Variants in SPMIP4 observed in about 807,000 individuals in gnomAD.
SPMIP4 encodes the protein sperm-associated microtubule inner protein 4.
chr7:25,143,371 C>T, the SPMIP4 span, among the ~76,000 whole-genome samples: 4 of 152,292 alleles, frequency 2.6e-5, no homozygotes, highest in East Asian at 7.7e-4. Flanking sequence ...TTTTTGATTA[C>T]TTAGAAATTC....
At chr7:25,179,129 A>C in the SPMIP4 span, 1 of 1,564,318 alleles carries the variant, frequency 6.4e-7, no homozygotes, top group Non-Finnish European at 8.7e-7. Flanking sequence ...ACACGAATAC[A>C]TTAAAACTGC....
chr7:25,137,402 A>G, the SPMIP4 span, among the ~76,000 whole-genome samples: 1 of 151,408 alleles, frequency 6.6e-6, no homozygotes, highest in African/African-American at 2.4e-5. Context: ...GAGTAATGCG[A>G]ACCTCATGAA....
the SPMIP4 span, among the ~76,000 whole-genome samples, chr7:25,148,439 A>G: frequency 6.6e-6 from 1 of 151,366 alleles, no homozygotes; most frequent in Non-Finnish European, 1.5e-5. Flanking sequence ...TAAATAATTA[A>G]TAGATCTGAG....
At chr7:25,175,702 A>G in the SPMIP4 span, among the ~76,000 whole-genome samples, 2 of 152,158 alleles carry the variant, frequency 1.3e-5, no homozygotes, top group Non-Finnish European at 2.9e-5. Context: ...TAATCCTGAA[A>G]AACCAGGGGC....
the SPMIP4 span, among the ~76,000 whole-genome samples, chr7:25,166,766 C>A: frequency 6.6e-6 from 1 of 151,608 alleles, no homozygotes. Context: ...TGGTGGCACA[C>A]GCCTGTAATC....
At chr7:25,160,560 A>T in the SPMIP4 span, among the ~76,000 whole-genome samples, 1 of 152,124 alleles carries the variant, frequency 6.6e-6, no homozygotes, top group Admixed American at 6.5e-5. Flanking sequence ...CAGCCTCCCA[A>T]AGTGTTGGGA....
chr7:25,172,946 G>C, the SPMIP4 span, among the ~76,000 whole-genome samples: 422 of 150,832 alleles, frequency 2.8e-3, 1 homozygote, highest in African/African-American at 9.9e-3. This position sits in a 1 kb window ranked among gnomAD's most constrained non-coding sequence, Gnocchi z 4.2. Context: ...GAGAACAGTA[G>C]GATCCAGTCA....
the SPMIP4 span, chr7:25,142,637 T>C: frequency 6.2e-7 from 1 of 1,604,732 alleles, no homozygotes; most frequent in Non-Finnish European, 8.5e-7. Context: ...AGTGAACTCA[T>C]ACCTGTAAAA....
the SPMIP4 span, among the ~76,000 whole-genome samples, chr7:25,133,055 G>T: frequency 6.6e-6 from 1 of 152,150 alleles, no homozygotes; most frequent in Admixed American, 6.5e-5. Context: ...AAATTCATAG[G>T]AAAATTGGCT....
At chr7:25,159,778 A>G in the SPMIP4 span, among the ~76,000 whole-genome samples, 2 of 152,182 alleles carry the variant, frequency 1.3e-5, no homozygotes, top group Non-Finnish European at 2.9e-5. Flanking sequence ...TCTTCCATCA[A>G]CATCACTGAG....
chr7:25,164,635 C>T, the SPMIP4 span, among the ~76,000 whole-genome samples: 1 of 151,952 alleles, frequency 6.6e-6, no homozygotes, highest in Admixed American at 6.5e-5. Flanking sequence ...TTTATAAAAG[C>T]ATTTTTAATT....
the SPMIP4 span, among the ~76,000 whole-genome samples, chr7:25,152,364 T>C: frequency 6.6e-6 from 1 of 152,208 alleles, no homozygotes; most frequent in East Asian, 1.9e-4. Flanking sequence ...CTCGCTTTGC[T>C]CTCGTGATAA....
the SPMIP4 span, among the ~76,000 whole-genome samples, chr7:25,166,443 T>C: frequency 6.6e-6 from 1 of 151,908 alleles, no homozygotes; most frequent in Non-Finnish European, 1.5e-5. Flanking sequence ...AAAGATTAGC[T>C]GGGCGTGGTG....
chr7:25,146,007 AC>A, the SPMIP4 span, among the ~76,000 whole-genome samples: 3 of 152,050 alleles, frequency 2.0e-5, no homozygotes, highest in Non-Finnish European at 2.9e-5. Context: ...TACTGTGGAG[AC>A]CACATTGCCA....
At chr7:25,136,356 G>T in the SPMIP4 span, 1 of 1,614,202 alleles carries the variant, frequency 6.2e-7, no homozygotes, top group Admixed American at 1.7e-5. The surrounding 1 kb of genome is among the most constrained non-coding windows in gnomAD (Gnocchi z 5.7). Context: ...GATTTTCATA[G>T]TGAATCCAGT....
the SPMIP4 span, among the ~76,000 whole-genome samples, chr7:25,160,227 A>G: frequency 3.0e-5 from 2 of 65,898 alleles, no homozygotes; most frequent in Non-Finnish European, 1.1e-4. Flanking sequence ...ATTTTTACCT[A>G]TCAACAACTA....
the SPMIP4 span, among the ~76,000 whole-genome samples, chr7:25,175,792 T>C: frequency 6.6e-6 from 1 of 152,328 alleles, no homozygotes; most frequent in Non-Finnish European, 1.5e-5. Context: ...GCACTTGGTC[T>C]GAAGAAGTGA....
At chr7:25,154,322 A>G in the SPMIP4 span, among the ~76,000 whole-genome samples, 1 of 152,186 alleles carries the variant, frequency 6.6e-6, no homozygotes, top group Non-Finnish European at 1.5e-5. Context: ...GTCTTTGCCT[A>G]CCATGTATCA....
At chr7:25,132,437 T>A in the SPMIP4 span, among the ~76,000 whole-genome samples, 2 of 152,230 alleles carry the variant, frequency 1.3e-5, no homozygotes, top group Non-Finnish European at 2.9e-5. The surrounding 1 kb of genome is among the most constrained non-coding windows in gnomAD (Gnocchi z 5.0). Flanking sequence ...TTTTTTGAAA[T>A]ATCTAGGCTT....
Sources: gnomAD v4.1 joint callset for allele counts (sites outside exome capture counted in the v4.1 genomes callset) on GRCh38, gnomAD v4.1.1 for gene constraint, Gnocchi (gnomAD v3.1) non-coding constraint, MANE v1.5 for transcripts, NCBI Gene and HGNC (gene_info 2026-07-23, HGNC 2026-07-21) for gene names.